Variants in SMIM14 observed in about 807,000 individuals in gnomAD.
The protein encoded by SMIM14 is small integral membrane protein 14.
A neutral mutation model predicts 12.6 loss-of-function variants in SMIM14; 5 were observed. That is an observed-to-expected ratio of 0.40 (90% confidence interval 0.21 to 0.83). SMIM14 has a LOEUF of 0.83. Ranked by LOEUF, SMIM14 falls within the 40% of genes least tolerant of loss-of-function variation. SMIM14 has a pLI of 0.37. For synonymous variants in SMIM14, 30 were observed against 40.1 expected (o/e 0.75, Z 0.95); for missense variants, 86 against 119.1 (o/e 0.72, Z 1.29).
At chr4:39,569,414 T>C (rs1428275590) in intron 3 of SMIM14, among the ~76,000 whole-genome samples, 1 of 152,168 alleles carries the variant, frequency 6.6e-6, no homozygotes, top group African/African-American at 2.4e-5. Flanking sequence ...CTGCGTCTTG[T>C]TTCAGTTTCA....
At chr4:39,553,455 G>C (rs1193676974) in intron 4 of SMIM14, among the ~76,000 whole-genome samples, 1 of 152,068 alleles carries the variant, frequency 6.6e-6, no homozygotes, top group Non-Finnish European at 1.5e-5. Flanking sequence ...AAGTAACAAA[G>C]CTATACAAAG....
chr4:39,564,823 G>C (rs1022159626), intron 3 of SMIM14, among the ~76,000 whole-genome samples: 6 of 152,224 alleles, frequency 3.9e-5, no homozygotes, highest in Non-Finnish European at 8.8e-5. Context: ...GGAACAGCGA[G>C]AACTCCTGAT....
chr4:39,560,854 G>A (rs1308259996), intron 3 of SMIM14, among the ~76,000 whole-genome samples: 5 of 151,530 alleles, frequency 3.3e-5, no homozygotes, highest in Non-Finnish European at 7.4e-5. Flanking sequence ...AATCCATCAT[G>A]AAGTTTCTTG....
chr4:39,614,104 TG>T (rs1413316188), intron 1 of SMIM14, among the ~76,000 whole-genome samples: 1 of 150,092 alleles, frequency 6.7e-6, no homozygotes, highest in African/African-American at 2.4e-5. Flanking sequence ...GAAGCAGAAT[TG>T]CTTGAACCTG....
chr4:39,599,933 C>CAAAAAAAAAAAAAAAAA (rs56285045), intron 2 of SMIM14, among the ~76,000 whole-genome samples: 3 of 115,080 alleles, frequency 2.6e-5, no homozygotes, highest in Non-Finnish European at 1.8e-5. Flanking sequence ...AAAACAACAA[C>CAAAAAAAAAAAAAAAAA]AAAAAAAAAA....
chr4:39,552,162 G>T lies in SMIM14; in HGVS notation c.268-4C>A, dbSNP rs961294401. 6.3e-7 allele frequency: 1 copy of T among 1,579,026 alleles called. No homozygotes were observed. On this transcript the variant is annotated splice_region_variant and splice_polypyrimidine_tract_variant and intron_variant, in intron 4 of 4. Transcript: ENST00000295958. ...GAGGAGCTGGTGGATCTTGTCCCTG[G>T]CATTAGAAAGAAATAAATTATTTAA... is the stretch of plus-strand genomic sequence containing the variant.
intron 2 of SMIM14, among the ~76,000 whole-genome samples, chr4:39,582,130 C>T (rs1175301593): frequency 6.6e-6 from 1 of 151,988 alleles, no homozygotes; most frequent in Admixed American, 6.6e-5. Context: ...CTCGGCCTCC[C>T]AAAGTGCTGG....
chr4:39,576,660 G>GTGTGTATATATATATATATATATA lies in SMIM14; in HGVS notation c.76-4198_76-4197insTATATATATATATATATATACACA, dbSNP rs1339477098. The stretch of plus-strand genomic sequence containing the variant: ...CTTATACCTATGTGTGTGTGTATGT[G>GTGTGTATATATATATATATATATA]TATATATATATATATATATATATAT... On this transcript the variant is annotated intron_variant, in intron 2 of 4. Transcript: ENST00000295958. Among the ~76,000 whole-genome samples, 65 of 72,368 alleles carry GTGTGTATATATATATATATATATA rather than the reference G, an allele frequency of 9.0e-4. 5 individuals carry two copies. The East Asian group carries it at 0.013, about 15-fold the overall frequency. 47.5% of individuals were successfully genotyped at this position (72,368 alleles called of 152,430 possible).
In SMIM14 at chr4:39,590,035, A is replaced by T. The variant is rs865849530; in HGVS notation, c.75+15036T>A. On this transcript the variant is annotated intron_variant, in intron 2 of 4. Coordinates refer to ENST00000295958, the MANE Select transcript of SMIM14 (RefSeq NM_174921.3). Reference sequence around the variant, plus strand: ...AAGACTCTGTTTCAAAAAAAAAAAAAAAAAAAAAAAGAATACTAAAGTAGT... The same window carrying T: ...AAGACTCTGTTTCAAAAAAAAAAAATAAAAAAAAAAGAATACTAAAGTAGT... Among the ~76,000 whole-genome samples the T allele has an allele frequency of 3.1e-3, 463 of 151,424 alleles. 3 individuals are homozygous for T. The highest frequency in any genetic ancestry group is 0.011 in the African/African-American group (435 of 41,382).
intron 4 of SMIM14, among the ~76,000 whole-genome samples, chr4:39,552,922 A>G (rs1711796085): frequency 6.6e-6 from 1 of 152,184 alleles, no homozygotes; most frequent in Admixed American, 6.5e-5. Context: ...GGGGTGATCA[A>G]TATTTCTCCT....
intron 2 of SMIM14, among the ~76,000 whole-genome samples, chr4:39,573,313 G>A (rs1419225308): frequency 1.3e-5 from 2 of 151,876 alleles, no homozygotes; most frequent in Non-Finnish European, 2.9e-5. Flanking sequence ...GTCCAGGCTG[G>A]TCTTGAACTC....
chr4:39,619,873 TATA>T (rs1455234937), intron 1 of SMIM14, among the ~76,000 whole-genome samples: 1,966 of 81,524 alleles, frequency 0.024, 33 homozygotes, highest in East Asian at 0.088. Flanking sequence ...TATATATATA[TATA>T]TTTTTTTTTT....
chr4:39,630,867 C>CAA (rs11451806), intron 1 of SMIM14, among the ~76,000 whole-genome samples: 4 of 53,864 alleles, frequency 7.4e-5, no homozygotes, highest in Admixed American at 4.2e-4. Flanking sequence ...AAAACCCTGT[C>CAA]AAAAAAAAAA....
Position 39,563,117 on chromosome 4 carries a change from A to G in SMIM14, c.125-6547T>C, listed in dbSNP as rs146991251. On this transcript the variant is annotated intron_variant, in intron 3 of 4. Transcript: ENST00000295958. ...CTCTTGCTGGCCAGGCTGGAGTGCA[A>G]TGGCACAATCTCTGTTCACTGCAAC... Among the ~76,000 whole-genome samples the G allele has an allele frequency of 1.2e-3, 176 of 151,714 alleles. 1 individual carries two copies. The highest frequency in any genetic ancestry group is 4.1e-3 in the African/African-American group (171 of 41,272).
At chr4:39,630,601 C>T (rs536414021) in intron 1 of SMIM14, among the ~76,000 whole-genome samples, 1 of 152,262 alleles carries the variant, frequency 6.6e-6, no homozygotes, top group East Asian at 1.9e-4. Context: ...GTGGCTCACA[C>T]CTGTAATCCC....
intron 1 of SMIM14, among the ~76,000 whole-genome samples, chr4:39,608,948 T>G (rs900730098): frequency 6.6e-6 from 1 of 152,162 alleles, no homozygotes; most frequent in Non-Finnish European, 1.5e-5. Flanking sequence ...GTGAATATAC[T>G]AAAAGACACT....
chr4:39,584,987 C>G (rs1398485709), intron 2 of SMIM14, among the ~76,000 whole-genome samples: 1 of 151,860 alleles, frequency 6.6e-6, no homozygotes, highest in East Asian at 1.9e-4. Context: ...AAAGCACATT[C>G]TGAATTTGAG....
intron 2 of SMIM14, among the ~76,000 whole-genome samples, chr4:39,590,901 C>T (rs1322963297): frequency 6.6e-6 from 1 of 152,016 alleles, no homozygotes; most frequent in African/African-American, 2.4e-5. Context: ...CAGATTGTCA[C>T]TGAAAGAGAC....
rs1711605262 is a variant in SMIM14, at chr4:39,550,255, A to G, written c.*1871T>C. 1 of 152,200 alleles carries G rather than the reference A, an allele frequency of 6.6e-6. No individual in the cohort carries two copies. Among genetic ancestry groups the G allele is most frequent in the South Asian group, 2.1e-4 (1 of 4,828 alleles). 9.4% of individuals were successfully genotyped at this position (152,200 alleles called of 1,614,324 possible). A position where few individuals can be genotyped will look rare whatever the true frequency, so the allele number is the denominator to read the frequency against. On this transcript the variant is annotated 3_prime_UTR_variant, in exon 5 of 5. Transcript: ENST00000295958. ...AATCATTTGCTAGGAAAAAAACTTC[A>G]TAACCATATGGGTCATGCAGACATT...
Sources: allele counts gnomAD v4.1 joint callset (sites outside exome capture counted in the v4.1 genomes callset), GRCh38; gene constraint gnomAD v4.1.1; transcripts MANE v1.5; gene names NCBI Gene and HGNC (gene_info 2026-07-23, HGNC 2026-07-21).